Variants in RARB observed in about 807,000 individuals in gnomAD.
The protein encoded by RARB is HBV-activated protein.
Under a neutral mutation model 51.9 loss-of-function variants are expected in RARB, and 17 were observed. The ratio of observed to expected loss-of-function variants is 0.33; its 90% CI spans 0.22 to 0.49. The LOEUF is 0.49. Among genes scored for constraint, RARB ranks in the 20% least tolerant of loss-of-function variants. The pLI is 0.99. For missense variants in RARB, 369 were observed against 550.8 expected (o/e 0.67, Z 3.30); for synonymous variants, 215 against 195.4 (o/e 1.10, Z -0.84).
chr3:24,901,307 C>G (rs1575062221), intron 2 of RARB, among the ~76,000 whole-genome samples: 1 of 152,138 alleles, frequency 6.6e-6, no homozygotes, highest in Non-Finnish European at 1.5e-5. Flanking sequence ...TTAAGAATTT[C>G]TTCAAAGAAA....
chr3:25,220,901 G>A (rs1048210580), intron 5 of RARB, among the ~76,000 whole-genome samples: 2 of 152,110 alleles, frequency 1.3e-5, no homozygotes, highest in Non-Finnish European at 2.9e-5. Context: ...CTATCTAATG[G>A]GGTCACTGAT....
At chr3:24,995,104 A>C (rs1449257452) in intron 2 of RARB, among the ~76,000 whole-genome samples, 1 of 152,070 alleles carries the variant, frequency 6.6e-6, no homozygotes, top group Admixed American at 6.6e-5. Context: ...AAAAATACTG[A>C]TTCTTCCAAT....
chr3:25,391,892 T>A (rs1706970196), intron 5 of RARB, among the ~76,000 whole-genome samples: 1 of 152,206 alleles, frequency 6.6e-6, no homozygotes, highest in Non-Finnish European at 1.5e-5. Context: ...CTTTTTAGTT[T>A]AATTAAGTCT....
intron 2 of RARB, among the ~76,000 whole-genome samples, chr3:24,913,782 A>G (rs1160062373): frequency 1.3e-5 from 2 of 152,226 alleles, no homozygotes; most frequent in Admixed American, 6.5e-5. Flanking sequence ...AGTTATCAAG[A>G]TTAAGGATCA....
intron 2 of RARB, among the ~76,000 whole-genome samples, chr3:24,916,804 C>T (rs942652419): frequency 3.5e-5 from 5 of 142,090 alleles, no homozygotes; most frequent in Non-Finnish European, 7.6e-5. Context: ...CAAGAAGGTA[C>T]ATGTTTTAAC....
At chr3:25,351,037 C>T (rs1360472926) in intron 5 of RARB, among the ~76,000 whole-genome samples, 1 of 152,184 alleles carries the variant, frequency 6.6e-6, no homozygotes, top group Non-Finnish European at 1.5e-5. Flanking sequence ...AAACATGAAC[C>T]TGGCTTTATC....
intron 2 of RARB, among the ~76,000 whole-genome samples, chr3:25,500,454 G>GTT (rs753321842): frequency 1.4e-4 from 9 of 66,140 alleles, no homozygotes; most frequent in African/African-American, 2.3e-4. Flanking sequence ...TTCTTTTCTT[G>GTT]TTTTTTTTTT....
chr3:25,554,654 CGG>C (rs1699983289), intron 3 of RARB, among the ~76,000 whole-genome samples: 1 of 152,152 alleles, frequency 6.6e-6, no homozygotes, highest in African/African-American at 2.4e-5. Flanking sequence ...CTCACAGTGC[CGG>C]GCACAGAGTT....
At chr3:24,871,234 C>G (rs1411447561) in intron 2 of RARB, among the ~76,000 whole-genome samples, 2 of 152,040 alleles carry the variant, frequency 1.3e-5, no homozygotes, top group African/African-American at 4.8e-5. Flanking sequence ...CACTTCTATT[C>G]CTAATTTTCA....
chr3:25,162,463 T>C (rs980826346), intron 4 of RARB, among the ~76,000 whole-genome samples: 3 of 152,182 alleles, frequency 2.0e-5, no homozygotes, highest in Non-Finnish European at 4.4e-5. Flanking sequence ...CATTTTAAGA[T>C]GCACAATTCA....
intron 1 of RARB, among the ~76,000 whole-genome samples, chr3:24,857,135 TA>T (rs560164873): frequency 2.0e-5 from 3 of 152,094 alleles, no homozygotes; most frequent in East Asian, 1.9e-4. Flanking sequence ...CTAAAGAAGT[TA>T]AAAAAAATCA....
chr3:25,347,834 G>A (rs1343155569), intron 5 of RARB, among the ~76,000 whole-genome samples: 1 of 152,160 alleles, frequency 6.6e-6, no homozygotes, highest in Non-Finnish European at 1.5e-5. Context: ...GCAAATCCCA[G>A]CACTGGTGAT....
intron 3 of RARB, among the ~76,000 whole-genome samples, chr3:25,518,278 CT>C (rs1466519637): frequency 6.6e-6 from 1 of 151,550 alleles, no homozygotes; most frequent in Non-Finnish European, 1.5e-5. Context: ...AAAATTGTTT[CT>C]GGTAGTCAGA....
At chr3:25,422,936 T>A (rs190648528) in intron 5 of RARB, among the ~76,000 whole-genome samples, 63 of 152,300 alleles carry the variant, frequency 4.1e-4, no homozygotes, top group Admixed American at 4.1e-3. Flanking sequence ...CCTAGTCCAC[T>A]ATCAGTTTTT....
intron 5 of RARB, among the ~76,000 whole-genome samples, chr3:25,401,009 C>G (rs1707249015): frequency 6.6e-6 from 1 of 152,132 alleles, no homozygotes; most frequent in African/African-American, 2.4e-5. Context: ...CTCATGCCCC[C>G]TCAGGAACTT....
chr3:24,875,520 A>G (rs1290792683), intron 2 of RARB, among the ~76,000 whole-genome samples: 1 of 152,182 alleles, frequency 6.6e-6, no homozygotes, highest in African/African-American at 2.4e-5. Flanking sequence ...TTAATGCACT[A>G]AAAATGCTGA....
intron 2 of RARB, among the ~76,000 whole-genome samples, chr3:24,883,452 C>T (rs989285075): frequency 2.0e-5 from 3 of 151,144 alleles, no homozygotes; most frequent in Non-Finnish European, 4.4e-5. Context: ...ATGAAGCAAA[C>T]AAACTTTTAA....
At chr3:25,086,463 T>G (rs1172986043) in intron 3 of RARB, among the ~76,000 whole-genome samples, 2 of 152,142 alleles carry the variant, frequency 1.3e-5, no homozygotes, top group African/African-American at 4.8e-5. Flanking sequence ...ATGAAGAGTT[T>G]GAATTGTTGA....
intron 5 of RARB, among the ~76,000 whole-genome samples, chr3:25,323,129 G>A (rs1280302293): frequency 7.7e-6 from 1 of 130,000 alleles, no homozygotes; most frequent in African/African-American, 2.5e-5. Flanking sequence ...GAATACCCGG[G>A]GCTCAAGGCA....
Sources: allele counts gnomAD v4.1 joint callset (sites outside exome capture counted in the v4.1 genomes callset), GRCh38; gene constraint gnomAD v4.1.1; transcripts MANE v1.5; gene names NCBI Gene and HGNC (gene_info 2026-07-23, HGNC 2026-07-21).